Variants in ZNF322 observed in about 807,000 individuals in gnomAD.
ZNF322 encodes zinc finger protein 322, also known as HLA complex group 12.
ZNF322 carries 1 observed loss-of-function variant against 18.3 expected under a neutral mutation model. The ratio of observed to expected loss-of-function variants is 0.05; its 90% CI spans 0.02 to 0.26. ZNF322 has a LOEUF of 0.26. Ranked by LOEUF, ZNF322 falls within the 10% of genes least tolerant of loss-of-function variation. ZNF322 has a pLI of 1.00. For missense variants in ZNF322, 36 were observed against 403.6 expected (o/e 0.09, Z 7.80); for synonymous variants, 17 against 130.7 (o/e 0.13, Z 5.93).
intron 2 of ZNF322, among the ~76,000 whole-genome samples, chr6:26,650,185 C>A (rs1405125083): frequency 2.6e-5 from 4 of 152,016 alleles, no homozygotes; most frequent in Admixed American, 6.6e-5. Flanking sequence ...TTCTCACACA[C>A]ACAAAATATA....
chr6:26,657,018 G>C (rs540623486), intron 2 of ZNF322, among the ~76,000 whole-genome samples: 66 of 152,286 alleles, frequency 4.3e-4, no homozygotes, highest in Non-Finnish European at 8.8e-4. Flanking sequence ...GGAAGCCGAG[G>C]CTGGCGGATC....
intron 2 of ZNF322, among the ~76,000 whole-genome samples, chr6:26,654,026 G>C (rs573720157): frequency 6.8e-4 from 103 of 152,130 alleles, no homozygotes; most frequent in Non-Finnish European, 1.3e-3. Context: ...AAAATAACTC[G>C]AATCAGTACA....
intron 2 of ZNF322, among the ~76,000 whole-genome samples, chr6:26,650,041 G>A (rs782820172): frequency 2.4e-4 from 37 of 151,790 alleles, no homozygotes; most frequent in Admixed American, 1.2e-3. Flanking sequence ...CAAAGTCAAC[G>A]GTCAATGGGC....
Position 26,636,752 on chromosome 6 carries a change from GT to G in ZNF322, c.*592del, listed in dbSNP as rs550372295. On this transcript the variant is annotated 3_prime_UTR_variant, in exon 4 of 4. Coordinates refer to ENST00000415922, the MANE Select transcript of ZNF322 (RefSeq NM_024639.5). ...CACTTGCAGTCTTTCCTCAGATTGG[GT>G]TTTTTTTTTTGGGTGCAAACCCAAG... 3.0e-4 allele frequency: 31 copies of G among 103,342 alleles called. No individual in the cohort carries two copies. The highest frequency in any genetic ancestry group is 7.8e-4 in the South Asian group (2 of 2,570). The allele number at this position is 103,342 out of a possible 1,614,324, so 6.4% of individuals were successfully genotyped here.
chr6:26,658,204 T>A lies in ZNF322; in HGVS notation c.-246+354A>T, dbSNP rs544237053. 3.8e-4 allele frequency among the ~76,000 whole-genome samples: 57 copies of A among 151,142 alleles called. 2 individuals are homozygous for A. The South Asian group carries it at 0.012, about 31-fold the overall frequency. ...AAACCTGATGCTTAGGGCAGTTAGA[T>A]AATCACCCAACAACTTACAAATAGT... On this transcript the variant is annotated intron_variant, in intron 2 of 3. Coordinates refer to ENST00000415922, the MANE Select transcript of ZNF322 (RefSeq NM_024639.5).
In ZNF322 at chr6:26,638,761, C is replaced by G. The variant is rs1037387499; in HGVS notation, c.-175-33G>C. ...ACAAAGTAGAAATATTATTTATATT[C>G]CTATGACTAAGAAAAGAATTCTCAA... On this transcript the variant is annotated intron_variant, in intron 3 of 3. Transcript: ENST00000415922. 57 of 788,826 alleles carry G rather than the reference C, an allele frequency of 7.2e-5. No homozygotes were observed. In the Admixed American group the frequency reaches 1.9e-3, roughly 27 times the overall value. 48.9% of individuals were successfully genotyped at this position (788,826 alleles called of 1,614,324 possible).
At chr6:26,653,611 C>G (rs1221184479) in intron 2 of ZNF322, among the ~76,000 whole-genome samples, 2 of 151,606 alleles carry the variant, frequency 1.3e-5, no homozygotes, top group African/African-American at 4.9e-5. Flanking sequence ...TTTAAAAAAG[C>G]AAAGTGTAAA....
Position 26,639,173 on chromosome 6 carries a change from C to T in ZNF322, c.-175-445G>A, listed in dbSNP as rs528919722. Among the ~76,000 whole-genome samples the T allele has an allele frequency of 5.9e-5, 9 of 152,254 alleles. No individual in the cohort carries two copies. The South Asian group carries it at 1.5e-3, about 25-fold the overall frequency. On this transcript the variant is annotated intron_variant, in intron 3 of 3. Transcript: ENST00000415922. ...AAGTAAGGTTTCTATGACTCTAATT[C>T]GTAGTGGTGATATCAGGCAAGTTTC...
At chr6:26,648,321 T>C (rs1388474701) in intron 2 of ZNF322, among the ~76,000 whole-genome samples, 3 of 152,220 alleles carry the variant, frequency 2.0e-5, no homozygotes, top group Non-Finnish European at 4.4e-5. Flanking sequence ...TTCCTTTTAA[T>C]ATGATAAAAC....
At chr6:26,651,181 A>T (rs1765661730) in intron 2 of ZNF322, among the ~76,000 whole-genome samples, 1 of 152,084 alleles carries the variant, frequency 6.6e-6, no homozygotes, top group African/African-American at 2.4e-5. Flanking sequence ...AACAAAGGCA[A>T]TAAATACAAG....
At chr6:26,640,723 C>A (rs2504592) in intron 3 of ZNF322, among the ~76,000 whole-genome samples, 1 of 151,956 alleles carries the variant, frequency 6.6e-6, no homozygotes, top group South Asian at 2.1e-4. Flanking sequence ...AGAAAAGTGC[C>A]TGGCACAGAG....
intron 2 of ZNF322, among the ~76,000 whole-genome samples, chr6:26,650,071 G>A (rs1765641422): frequency 6.6e-6 from 1 of 151,976 alleles, no homozygotes; most frequent in African/African-American, 2.4e-5. Flanking sequence ...GAAAATATTT[G>A]TAACAATATT....
At chr6:26,644,102 G>T (rs1200034539) in intron 2 of ZNF322, among the ~76,000 whole-genome samples, 1 of 152,102 alleles carries the variant, frequency 6.6e-6, no homozygotes, top group Non-Finnish European at 1.5e-5. Flanking sequence ...GTATTTTTGG[G>T]ATTATAACAA....
At chr6:26,644,214 C>T (rs77114725) in intron 2 of ZNF322, among the ~76,000 whole-genome samples, 4,034 of 152,238 alleles carry the variant, frequency 0.026, 100 homozygotes, top group African/African-American at 0.075. Context: ...CCACAAACAA[C>T]CCAGGAGGTG....
chr6:26,649,703 T>TATA (rs1561925009), intron 2 of ZNF322, among the ~76,000 whole-genome samples: 14 of 98,914 alleles, frequency 1.4e-4, no homozygotes, highest in Non-Finnish European at 2.6e-4. Flanking sequence ...ATATATATAT[T>TATA]TTTTTTTTTT....
chr6:26,647,415 A>G (rs1367244800), intron 2 of ZNF322, among the ~76,000 whole-genome samples: 2 of 152,186 alleles, frequency 1.3e-5, no homozygotes, highest in African/African-American at 4.8e-5. Context: ...AAACAGATAA[A>G]CCACTAGGTT....
At chr6:26,643,456 C>T (rs1292290365) in intron 3 of ZNF322, among the ~76,000 whole-genome samples, 2 of 152,146 alleles carry the variant, frequency 1.3e-5, no homozygotes, top group African/African-American at 4.8e-5. Flanking sequence ...TTTATCTTTC[C>T]TTACCATATA....
chr6:26,642,226 T>C (rs1765478409), intron 3 of ZNF322, among the ~76,000 whole-genome samples: 1 of 152,206 alleles, frequency 6.6e-6, no homozygotes, highest in African/African-American at 2.4e-5. Context: ...CATGTTTTCC[T>C]GCTGACCCTC....
intron 1 of ZNF322, among the ~76,000 whole-genome samples, 168 bp downstream of exon 1, chr6:26,659,273 T>C (rs1765838951): frequency 6.6e-6 from 1 of 152,172 alleles, no homozygotes; most frequent in South Asian, 2.1e-4. Context: ...TAAGGTTCTC[T>C]TCTTTCAACT....
Sources: allele counts gnomAD v4.1 joint callset (sites outside exome capture counted in the v4.1 genomes callset), GRCh38; gene constraint gnomAD v4.1.1; transcripts MANE v1.5; gene names NCBI Gene and HGNC (gene_info 2026-07-23, HGNC 2026-07-21).